The following PCDHGB1 variants were observed in gnomAD, a reference collection of about 807,000 sequenced individuals.
PCDHGB1 encodes protocadherin gamma-B1.
A neutral mutation model predicts 56.6 loss-of-function variants in PCDHGB1; 34 were observed. That is an observed-to-expected ratio of 0.60 (90% CI 0.46 to 0.80). PCDHGB1 has a LOEUF of 0.80. Ranked by LOEUF, PCDHGB1 falls within the 30% of genes least tolerant of loss-of-function variation. The pLI is 0.00. For synonymous variants in PCDHGB1, 561 were observed against 505.9 expected (o/e 1.11, Z -1.46); for missense variants, 1,278 against 1,204.6 (o/e 1.06, Z -0.90).
intron 1 of PCDHGB1, among the ~76,000 whole-genome samples, chr5:141,465,091 G>A (rs1689517062): frequency 6.7e-6 from 1 of 149,016 alleles, no homozygotes; most frequent in Non-Finnish European, 1.5e-5. Context: ...CATTTTTCTA[G>A]TAGTTTTTTT....
intron 1 of PCDHGB1, among the ~76,000 whole-genome samples, chr5:141,481,728 C>T (rs529419213): frequency 2.1e-4 from 32 of 152,032 alleles, no homozygotes; most frequent in African/African-American, 7.2e-4. Flanking sequence ...CGGAGGCGGG[C>T]GGATCACGAG....
chr5:141,375,791 G>C (rs374657173), intron 1 of PCDHGB1: 1 of 1,614,232 alleles, frequency 6.2e-7, no homozygotes, highest in Non-Finnish European at 8.5e-7. Flanking sequence ...CCTCCCCACA[G>C]ACGGTTCCAC....
At chr5:141,427,461 G>A (rs1397917549) in intron 1 of PCDHGB1, 1 of 497,998 alleles carries the variant, frequency 2.0e-6, no homozygotes, top group Admixed American at 2.3e-5. Context: ...TTTTAGAATC[G>A]AATCTTCCGC....
intron 1 of PCDHGB1, chr5:141,475,917 C>T (rs1012431912): frequency 1.7e-6 from 1 of 599,962 alleles, no homozygotes. Context: ...AATGAAGACG[C>T]TGGAGATCGG....
chr5:141,415,304 C>A, intron 1 of PCDHGB1: 1 of 1,614,188 alleles, frequency 6.2e-7, no homozygotes, highest in Non-Finnish European at 8.5e-7. Context: ...GTCTTCCTGG[C>A]CTTCGTCATC....
intron 1 of PCDHGB1, chr5:141,421,232 C>G (rs748347420): frequency 1.3e-6 from 2 of 1,590,370 alleles, no homozygotes; most frequent in Non-Finnish European, 1.7e-6. Context: ...CCTGCCATGG[C>G]GAATCGGCTA....
At chr5:141,403,146 G>T (rs1400601984) in intron 1 of PCDHGB1, 2 of 1,614,056 alleles carry the variant, frequency 1.2e-6, no homozygotes, top group Middle Eastern at 1.6e-4. Context: ...CGCCGAGTCC[G>T]CATCGTCTCT....
At chr5:141,394,662 T>C in intron 1 of PCDHGB1, 3 of 1,613,258 alleles carry the variant, frequency 1.9e-6, no homozygotes, top group African/African-American at 2.7e-5. Flanking sequence ...GCCGGGACTC[T>C]TCTCGGTGGG....
intron 1 of PCDHGB1, chr5:141,398,674 A>T: frequency 6.2e-7 from 1 of 1,614,010 alleles, no homozygotes; most frequent in Non-Finnish European, 8.5e-7. Context: ...ATTAATAATT[A>T]AGGAGAAACA....
At chr5:141,356,299 G>A (rs1226901970) in intron 1 of PCDHGB1, 10 of 1,554,820 alleles carry the variant, frequency 6.4e-6, no homozygotes, top group Non-Finnish European at 7.8e-6. Flanking sequence ...TACAGTAATT[G>A]CACTTTTCAA....
chr5:141,431,685 A>C lies in PCDHGB1; in HGVS notation c.2410-63122A>C. The C allele has an allele frequency of 6.2e-7, 1 of 1,614,246 alleles. No homozygotes were observed. Among genetic ancestry groups the C allele is most frequent in the East Asian group, 2.2e-5 (1 of 44,876 alleles). ...ATATCAACAATAGGGGAGTTGGACCACGAGGAGTCAGGATTCTACCAGATG... is the reference window on the plus strand; with the variant it reads ...ATATCAACAATAGGGGAGTTGGACCCCGAGGAGTCAGGATTCTACCAGATG... On this transcript the variant is annotated intron_variant, in intron 1 of 3. Transcript: ENST00000523390. This position sits in a 1 kb window ranked among gnomAD's most constrained non-coding sequence, Gnocchi z 4.8.
chr5:141,414,404 T>A, intron 1 of PCDHGB1: 1 of 1,613,886 alleles, frequency 6.2e-7, no homozygotes, highest in Non-Finnish European at 8.5e-7. Context: ...AGATTGGTGA[T>A]ACACAGAGCC....
Position 141,351,887 on chromosome 5 carries a change from A to C in PCDHGB1, c.1627A>C (p.Ser543Arg), listed in dbSNP as rs778485455. Residue 543 changes from serine to arginine, a missense_variant, in exon 1 of 4, where the codon AGC becomes CGC. Coordinates refer to ENST00000523390, the MANE Select transcript of PCDHGB1 (RefSeq NM_018922.3). ...QGSPALSANV[S>R]LRVLVGDLND... ...CTCCCCCGCGCTCAGCGCCAACGTG[A>C]GCCTGCGCGTGTTGGTGGGCGACCT... is the stretch of plus-strand genomic sequence containing the variant. 6.2e-7 allele frequency: 1 copy of C among 1,613,388 alleles called. No homozygotes were observed. Among genetic ancestry groups the C allele is most frequent in the Admixed American group, 1.7e-5 (1 of 60,008 alleles).
At chr5:141,505,579 G>A (rs1047837546) in intron 3 of PCDHGB1, 98 bp downstream of exon 3, 6 of 1,588,858 alleles carry the variant, frequency 3.8e-6, no homozygotes, top group Non-Finnish European at 4.3e-6. Flanking sequence ...TCAAACCTGT[G>A]TAGTTTCTCC....
Position 141,486,799 on chromosome 5 carries a change from C to A in PCDHGB1, c.2410-8008C>A. The A allele has an allele frequency of 6.2e-7, 1 of 1,614,220 alleles. No individual in the cohort carries two copies. Among genetic ancestry groups the A allele is most frequent in the African/African-American group, 1.3e-5 (1 of 75,060 alleles). ...AGGTGCAGGCCCGGGATCGGGGCAA[C>A]CCACCCCTTAGCAGCACTGTAACAG... On this transcript the variant is annotated intron_variant, in intron 1 of 3. Coordinates refer to ENST00000523390, the MANE Select transcript of PCDHGB1 (RefSeq NM_018922.3). This position sits in a 1 kb window ranked among gnomAD's most constrained non-coding sequence, Gnocchi z 5.0.
At chr5:141,403,749 C>A in intron 1 of PCDHGB1, 1 of 1,613,652 alleles carries the variant, frequency 6.2e-7, no homozygotes, top group African/African-American at 1.3e-5. Context: ...ACTGCAACAG[C>A]CAGCGACCTG....
At chr5:141,376,276 C>T (rs3749771) in intron 1 of PCDHGB1, 1 of 1,614,240 alleles carries the variant, frequency 6.2e-7, no homozygotes, top group Non-Finnish European at 8.5e-7. Context: ...CGGGAGGTGG[C>T]TTAGCGAGCA....
intron 1 of PCDHGB1, chr5:141,362,307 G>A (rs1762432335): frequency 6.2e-7 from 1 of 1,613,910 alleles, no homozygotes; most frequent in Non-Finnish European, 8.5e-7. Flanking sequence ...CAGATGCTTG[G>A]GACTGTTTTC....
At chr5:141,423,003 G>A (rs779233337) in intron 1 of PCDHGB1, 1 of 1,614,208 alleles carries the variant, frequency 6.2e-7, no homozygotes, top group African/African-American at 1.3e-5. Flanking sequence ...TGACCAAGGT[G>A]GTTGCGGTGG....
Sources: allele counts gnomAD v4.1 joint callset (sites outside exome capture counted in the v4.1 genomes callset), GRCh38; gene constraint gnomAD v4.1.1; non-coding constraint Gnocchi (gnomAD v3.1); transcripts MANE v1.5; gene names NCBI Gene and HGNC (gene_info 2026-07-23, HGNC 2026-07-21).